Variants in ENTHD1 observed in about 807,000 individuals in gnomAD.
The protein encoded by ENTHD1 is ENTH domain-containing protein 1.
A neutral mutation model predicts 39.1 loss-of-function variants in ENTHD1; 23 were observed. The ratio of observed to expected loss-of-function variants is 0.59; its 90% CI spans 0.42 to 0.83. The LOEUF is 0.83. ENTHD1 is among the 40% of genes least tolerant of loss of function. The pLI, the probability that ENTHD1 is intolerant of heterozygous loss-of-function variation, is 0.00. For synonymous variants in ENTHD1, 230 were observed against 258.2 expected (o/e 0.89, Z 1.05); for missense variants, 624 against 705.4 (o/e 0.88, Z 1.31).
chr22:39,752,020 T>C (rs5757787), intron 6 of ENTHD1, among the ~76,000 whole-genome samples: 2 of 152,124 alleles, frequency 1.3e-5, no homozygotes, highest in Non-Finnish European at 2.9e-5. Context: ...GCATATCTAT[T>C]TCTCTATCTC....
At chr22:39,753,394 C>G (rs1227328486) in intron 6 of ENTHD1, among the ~76,000 whole-genome samples, 1 of 152,124 alleles carries the variant, frequency 6.6e-6, no homozygotes, top group Non-Finnish European at 1.5e-5. Flanking sequence ...AAGAAATGAG[C>G]TGTTCCAAGA....
intron 5 of ENTHD1, among the ~76,000 whole-genome samples, chr22:39,809,184 G>A (rs957411175): frequency 2.0e-5 from 3 of 152,140 alleles, no homozygotes; most frequent in Admixed American, 6.6e-5. Context: ...GTATGCAATG[G>A]CTTGAAAAGC....
intron 4 of ENTHD1, among the ~76,000 whole-genome samples, chr22:39,821,701 C>A (rs781575036): frequency 6.6e-6 from 1 of 152,170 alleles, no homozygotes; most frequent in South Asian, 2.1e-4. Flanking sequence ...TAACAAAATA[C>A]CATCAACTGA....
intron 2 of ENTHD1, 40 bp downstream of exon 2, chr22:39,887,360 A>G (rs1399624935): frequency 4.0e-6 from 6 of 1,507,098 alleles, no homozygotes; most frequent in Non-Finnish European, 4.5e-6. Context: ...ACCGGTGTAC[A>G]CCACCACACC....
At chr22:39,826,596 C>T (rs2065828630) in intron 4 of ENTHD1, among the ~76,000 whole-genome samples, 1 of 152,060 alleles carries the variant, frequency 6.6e-6, no homozygotes. Context: ...CTGAAAAGTT[C>T]CCGCTCACCA....
Position 39,887,656 on chromosome 22 carries a change from A to G in ENTHD1, c.93T>C (p.Gly31=). 6.2e-7 allele frequency: 1 copy of G among 1,611,360 alleles called. No individual in the cohort carries two copies. Among genetic ancestry groups the G allele is most frequent in the Non-Finnish European group, 8.5e-7 (1 of 1,179,170 alleles). ...VREATSNDPW[G]PSSSLMLDIS... is the part of the protein sequence containing the mutation. The stretch of plus-strand genomic sequence containing the variant: ...TATCTAACATCAGAGAACTAGAGGG[A>G]CCCCAAGGGTCGTTAGAAGTTGCTT... Residue 31 remains glycine, a synonymous_variant, in exon 2 of 7, where the codon GGT becomes GGC. Coordinates refer to ENST00000325157, the MANE Select transcript of ENTHD1 (RefSeq NM_152512.4).
At chr22:39,748,113 G>T (rs2065120623) in intron 6 of ENTHD1, among the ~76,000 whole-genome samples, 1 of 152,054 alleles carries the variant, frequency 6.6e-6, no homozygotes, top group African/African-American at 2.4e-5. Flanking sequence ...GTTGGGCATG[G>T]TGGTGTGTAC....
At chr22:39,811,899 A>G (rs2065689293) in intron 5 of ENTHD1, among the ~76,000 whole-genome samples, 1 of 152,158 alleles carries the variant, frequency 6.6e-6, no homozygotes, top group Non-Finnish European at 1.5e-5. Context: ...GGATGCTGTG[A>G]ACCCGGGAGG....
chr22:39,893,595 G>A (rs939609117), intron 1 of ENTHD1, 100 bp downstream of exon 1: 15 of 152,394 alleles, frequency 9.8e-5, no homozygotes, highest in Middle Eastern at 3.4e-3. Flanking sequence ...GCCCCCACCT[G>A]GACTCCGACG....
chr22:39,793,935 C>T (rs1364047487), intron 5 of ENTHD1, among the ~76,000 whole-genome samples: 2 of 152,164 alleles, frequency 1.3e-5, no homozygotes, highest in Admixed American at 6.5e-5. Context: ...ATCACTTCGG[C>T]TATTTGGACT....
intron 5 of ENTHD1, among the ~76,000 whole-genome samples, chr22:39,803,225 G>A (rs981217503): frequency 1.3e-5 from 2 of 151,894 alleles, no homozygotes; most frequent in Non-Finnish European, 2.9e-5. Context: ...TAGCCACAAC[G>A]GCCTCCTTGC....
chr22:39,849,600 C>T (rs983730955), intron 3 of ENTHD1, among the ~76,000 whole-genome samples: 1 of 152,166 alleles, frequency 6.6e-6, no homozygotes, highest in Non-Finnish European at 1.5e-5. Context: ...TTATAACCTA[C>T]AGTGTACAGA....
chr22:39,864,992 T>C (rs1009490433), intron 2 of ENTHD1, among the ~76,000 whole-genome samples: 1 of 152,130 alleles, frequency 6.6e-6, no homozygotes, highest in Non-Finnish European at 1.5e-5. Context: ...TGGAACCAGA[T>C]TGATGAAAAA....
intron 6 of ENTHD1, among the ~76,000 whole-genome samples, chr22:39,747,814 C>T (rs999848545): frequency 6.6e-6 from 1 of 152,084 alleles, no homozygotes; most frequent in Non-Finnish European, 1.5e-5. Flanking sequence ...AAAACTTTCT[C>T]ATTGTCATGG....
chr22:39,870,396 CA>C (rs2066232434), intron 2 of ENTHD1, among the ~76,000 whole-genome samples: 2 of 151,846 alleles, frequency 1.3e-5, no homozygotes, highest in Non-Finnish European at 2.9e-5. Flanking sequence ...TCATAAAGAA[CA>C]GATTATAGGC....
chr22:39,883,820 C>T (rs373273425), intron 2 of ENTHD1, among the ~76,000 whole-genome samples: 39 of 142,036 alleles, frequency 2.7e-4, no homozygotes, highest in African/African-American at 1.0e-3. Flanking sequence ...TGCCACTGCA[C>T]TCCAGCCTGG....
At chr22:39,815,558 G>A (rs538972265) in intron 5 of ENTHD1, among the ~76,000 whole-genome samples, 1 of 152,246 alleles carries the variant, frequency 6.6e-6, no homozygotes, top group South Asian at 2.1e-4. Context: ...TAGAACTTTG[G>A]AAAACAATCT....
At chr22:39,858,926 G>A (rs1035207919) in intron 3 of ENTHD1, among the ~76,000 whole-genome samples, 1 of 152,182 alleles carries the variant, frequency 6.6e-6, no homozygotes, top group Non-Finnish European at 1.5e-5. Flanking sequence ...GAGAGTCCTA[G>A]ATGGCATCTT....
intron 5 of ENTHD1, among the ~76,000 whole-genome samples, chr22:39,809,504 C>T (rs1010764563): frequency 6.6e-6 from 1 of 152,104 alleles, no homozygotes; most frequent in Non-Finnish European, 1.5e-5. Flanking sequence ...TGAGAATGTG[C>T]CATGTGTGTA....
Sources: gnomAD v4.1 joint callset for allele counts (sites outside exome capture counted in the v4.1 genomes callset) on GRCh38, gnomAD v4.1.1 for gene constraint, MANE v1.5 for transcripts, NCBI Gene and HGNC (gene_info 2026-07-23, HGNC 2026-07-21) for gene names.